PHLDB2: variants seen among roughly 807,000 people sequenced by gnomAD.
The protein encoded by PHLDB2 is pleckstrin homology like domain family B member 2, also known as pleckstrin homology-like domain family B member 2.
A neutral mutation model predicts 123.6 loss-of-function variants in PHLDB2; 71 were observed. The ratio of observed to expected loss-of-function variants is 0.57; its 90% CI spans 0.47 to 0.70. The LOEUF (loss-of-function observed/expected upper bound fraction) is 0.70, where lower values mean the gene tolerates loss of function less well. Among genes scored for constraint, PHLDB2 ranks in the 30% least tolerant of loss-of-function variants. PHLDB2 has a pLI of 0.00. For missense variants in PHLDB2, 1,446 were observed against 1,519.5 expected (o/e 0.95, Z 0.80); for synonymous variants, 547 against 541.6 (o/e 1.01, Z -0.14).
At position 111,866,014 on chromosome 3, in the gene PHLDB2, A is replaced by T. The variant is rs367721646; in HGVS notation, c.-15+6438A>T. Among the ~76,000 whole-genome samples, 130 of 57,398 alleles carry T rather than the reference A, an allele frequency of 2.3e-3. 1 individual carries two copies. Among genetic ancestry groups the T allele is most frequent in the Admixed American group, 3.7e-3 (12 of 3,280 alleles). 37.7% of individuals were successfully genotyped at this position (57,398 alleles called of 152,430 possible). A position where few individuals can be genotyped will look rare whatever the true frequency, so the allele number is the denominator to read the frequency against. ...TTTTAGAAACCTACCCCACCCACTCATTTTTTTTTTTTTTTTTTTTTTTTG... is the reference window on the plus strand; with the variant it reads ...TTTTAGAAACCTACCCCACCCACTCTTTTTTTTTTTTTTTTTTTTTTTTTG... On this transcript the variant is annotated intron_variant, in intron 1 of 17. Transcript: ENST00000431670.
intron 1 of PHLDB2, among the ~76,000 whole-genome samples, chr3:111,733,273 G>T (rs1033717043): frequency 6.6e-6 from 1 of 152,150 alleles, no homozygotes; most frequent in Non-Finnish European, 1.5e-5. Flanking sequence ...ATTTACCTAA[G>T]CTTATCACAT....
At chr3:111,753,818 A>C (rs2059830580) in intron 1 of PHLDB2, among the ~76,000 whole-genome samples, 1 of 152,140 alleles carries the variant, frequency 6.6e-6, no homozygotes, top group Non-Finnish European at 1.5e-5. Context: ...TCTTGAATTA[A>C]TTTTTGTATA....
intron 1 of PHLDB2, among the ~76,000 whole-genome samples, chr3:111,868,635 A>G (rs73228533): frequency 1.2e-3 from 186 of 149,472 alleles, no homozygotes; most frequent in African/African-American, 3.4e-3. Flanking sequence ...ATATATATAT[A>G]TGTGTGTGTA....
chr3:111,947,383 T>C (rs2070385774), intron 9 of PHLDB2, among the ~76,000 whole-genome samples: 1 of 152,212 alleles, frequency 6.6e-6, no homozygotes, highest in South Asian at 2.1e-4. Flanking sequence ...TGGCAATTCT[T>C]GTGCTGTGTG....
At chr3:111,819,653 T>C (rs1360895809) in intron 1 of PHLDB2, among the ~76,000 whole-genome samples, 2 of 152,338 alleles carry the variant, frequency 1.3e-5, no homozygotes, top group East Asian at 1.9e-4. Flanking sequence ...AGAAATATCA[T>C]GAGTACATTC....
chr3:111,964,817 T>C (rs1226040156), intron 13 of PHLDB2, among the ~76,000 whole-genome samples: 1 of 152,136 alleles, frequency 6.6e-6, no homozygotes, highest in Middle Eastern at 3.2e-3. Context: ...TAAATAAACA[T>C]TGACTATATG....
intron 1 of PHLDB2, among the ~76,000 whole-genome samples, chr3:111,743,803 G>C (rs892493803): frequency 2.0e-5 from 3 of 152,146 alleles, no homozygotes; most frequent in Admixed American, 6.5e-5. Context: ...TAAGCAATTT[G>C]CCTGTTTCCT....
chr3:111,927,077 A>C (rs998041772), intron 5 of PHLDB2, among the ~76,000 whole-genome samples: 1 of 152,216 alleles, frequency 6.6e-6, no homozygotes, highest in African/African-American at 2.4e-5. Context: ...CTGTTAAAAG[A>C]AAAACGAATT....
At chr3:111,952,547 T>C (rs772523216) in intron 10 of PHLDB2, 25 bp from the exon 11 acceptor site, 2 of 1,599,844 alleles carry the variant, frequency 1.3e-6, no homozygotes, top group Non-Finnish European at 1.7e-6. Flanking sequence ...AGTTTTGCTA[T>C]TTTGCTTTGC....
chr3:111,740,990 A>T (rs2059594800), intron 1 of PHLDB2, among the ~76,000 whole-genome samples: 2 of 152,136 alleles, frequency 1.3e-5, no homozygotes, highest in Admixed American at 1.3e-4. Flanking sequence ...AGGTGCTGAA[A>T]CATGGAGACA....
Position 111,974,554 on chromosome 3 carries a change from CTTG to C in PHLDB2, c.3758_3760del (p.Leu1253del). ...CGGGGGCAGAAGGTTACACTCACTTCTTGTTGTAGTGAACTGAGGCAACAGTCC... is the reference window on the plus strand; with the variant it reads ...CGGGGGCAGAAGGTTACACTCACTTCTTGTAGTGAACTGAGGCAACAGTCC... On this transcript the variant is annotated inframe_deletion, in exon 18 of 18. Coordinates refer to ENST00000431670, the MANE Select transcript of PHLDB2 (RefSeq NM_001134438.2). 2 of 1,611,628 alleles carry C rather than the reference CTTG, an allele frequency of 1.2e-6. No homozygotes were observed. The highest frequency in any genetic ancestry group is 4.5e-5 in the East Asian group (2 of 44,794).
chr3:111,968,103 A>G (rs1349626742), intron 15 of PHLDB2, among the ~76,000 whole-genome samples: 1 of 151,990 alleles, frequency 6.6e-6, no homozygotes, highest in Non-Finnish European at 1.5e-5. Flanking sequence ...TCTTCCACCC[A>G]TTCCTTGGAG....
At chr3:111,954,097 T>C in intron 12 of PHLDB2, 68 bp downstream of exon 12, 2 of 1,402,942 alleles carry the variant, frequency 1.4e-6, no homozygotes, top group Middle Eastern at 1.8e-4. Flanking sequence ...GGGGAGGAAG[T>C]GAGAACAGGG....
intron 3 of PHLDB2, chr3:111,914,828 A>T (rs1298543463): frequency 6.6e-6 from 1 of 152,022 alleles, no homozygotes; most frequent in East Asian, 1.9e-4. Context: ...CCTTTTGAGG[A>T]TTTGTTAAAT....
Position 111,734,810 on chromosome 3 carries a change from A to G in PHLDB2, c.-49+2107A>G, listed in dbSNP as rs60275470. Among the ~76,000 whole-genome samples, 1,105 of 152,278 alleles carry G rather than the reference A, an allele frequency of 7.3e-3. 10 individuals are homozygous for G. Among genetic ancestry groups the G allele is most frequent in the African/African-American group, 0.025 (1,058 of 41,550 alleles). On this transcript the variant is annotated intron_variant, in intron 1 of 17. Coordinates refer to the PHLDB2 transcript ENST00000393923. ...GAGTTGACCATGTGGATAAGCATAAATTGGAGGGTCACTGAGGTAAGCAAG... is the reference window on the plus strand; with the variant it reads ...GAGTTGACCATGTGGATAAGCATAAGTTGGAGGGTCACTGAGGTAAGCAAG...
At chr3:111,761,710 G>T (rs968151646) in intron 1 of PHLDB2, among the ~76,000 whole-genome samples, 1 of 152,140 alleles carries the variant, frequency 6.6e-6, no homozygotes, top group Non-Finnish European at 1.5e-5. Context: ...ACATGTGGGT[G>T]GGGCAAGAGA....
intron 2 of PHLDB2, among the ~76,000 whole-genome samples, chr3:111,893,800 G>A (rs2066637352): frequency 6.8e-6 from 1 of 146,040 alleles, no homozygotes; most frequent in African/African-American, 2.5e-5. Context: ...TAATATATTT[G>A]ACAGCACAGG....
At chr3:111,740,168 TA>T (rs2059579200) in intron 1 of PHLDB2, among the ~76,000 whole-genome samples, 1 of 152,122 alleles carries the variant, frequency 6.6e-6, no homozygotes, top group Non-Finnish European at 1.5e-5. Context: ...CACACGGGTT[TA>T]CCTTATCACC....
At chr3:111,948,358 G>T (rs528127068) in intron 9 of PHLDB2, among the ~76,000 whole-genome samples, 2 of 152,150 alleles carry the variant, frequency 1.3e-5, no homozygotes, top group East Asian at 3.9e-4. Context: ...ATTCTCATTT[G>T]GTTGAGATGC....
Sources: gnomAD v4.1 joint callset for allele counts (sites outside exome capture counted in the v4.1 genomes callset) on GRCh38, gnomAD v4.1.1 for gene constraint, MANE v1.5 for transcripts, NCBI Gene and HGNC (gene_info 2026-07-23, HGNC 2026-07-21) for gene names.